The following AFG2A variants were observed in gnomAD, a reference collection of about 807,000 sequenced individuals.
AFG2A encodes the protein ATPase family gene 2 protein homolog A.
chr4:123,228,793 C>T, the AFG2A span, among the ~76,000 whole-genome samples: 3 of 151,958 alleles, frequency 2.0e-5, no homozygotes, highest in East Asian at 5.8e-4. Flanking sequence ...TAACATAAGC[C>T]ATGTCTCCTC....
the AFG2A span, among the ~76,000 whole-genome samples, chr4:123,017,561 G>A: frequency 6.6e-6 from 1 of 151,100 alleles, no homozygotes; most frequent in Admixed American, 6.6e-5. Flanking sequence ...AGAAGCATTT[G>A]GAAATTTATA....
the AFG2A span, among the ~76,000 whole-genome samples, chr4:123,086,777 T>C: frequency 6.6e-6 from 1 of 152,154 alleles, no homozygotes; most frequent in South Asian, 2.1e-4. Flanking sequence ...AGTTTGTATA[T>C]ACATATCCGT....
At chr4:123,195,214 C>G in the AFG2A span, among the ~76,000 whole-genome samples, 13 of 152,252 alleles carry the variant, frequency 8.5e-5, no homozygotes, top group African/African-American at 2.6e-4. Context: ...CCAAATGTTC[C>G]CTTTTCTCGA....
chr4:123,259,094 T>A, the AFG2A span, among the ~76,000 whole-genome samples: 1 of 152,164 alleles, frequency 6.6e-6, no homozygotes, highest in Non-Finnish European at 1.5e-5. Flanking sequence ...CTTGAACTCC[T>A]GACCTCAGGT....
At chr4:122,936,495 A>G in the AFG2A span, among the ~76,000 whole-genome samples, 3 of 152,156 alleles carry the variant, frequency 2.0e-5, no homozygotes, top group African/African-American at 4.8e-5. Flanking sequence ...AGCTCTTTAT[A>G]CTAGAACTTT....
At chr4:123,253,485 CAA>C in the AFG2A span, among the ~76,000 whole-genome samples, 25,775 of 136,330 alleles carry the variant, frequency 0.19, 2,844 homozygotes, top group African/African-American at 0.33. Flanking sequence ...AACTCCACCT[CAA>C]AAAAAAAAAA....
the AFG2A span, among the ~76,000 whole-genome samples, chr4:123,074,716 T>C: frequency 2.1e-4 from 32 of 152,328 alleles, no homozygotes; most frequent in Admixed American, 1.2e-3. Flanking sequence ...TCTTGCCAGA[T>C]TGTATTTTAA....
the AFG2A span, among the ~76,000 whole-genome samples, chr4:123,158,299 TG>T: frequency 6.6e-6 from 1 of 152,190 alleles, no homozygotes; most frequent in Non-Finnish European, 1.5e-5. Context: ...TTTAAAAGTG[TG>T]GGGATCCTCT....
the AFG2A span, among the ~76,000 whole-genome samples, chr4:123,053,303 G>T: frequency 8.8e-3 from 1,342 of 152,348 alleles, 52 homozygotes; most frequent in Admixed American, 0.073. Flanking sequence ...GATGGACCTG[G>T]GGTAGACCCA....
the AFG2A span, among the ~76,000 whole-genome samples, chr4:123,001,447 A>G: frequency 7.3e-5 from 11 of 151,662 alleles, no homozygotes; most frequent in African/African-American, 2.2e-4. Flanking sequence ...ATTTAGTGCT[A>G]TAAATTTCCC....
At chr4:123,119,858 G>A in the AFG2A span, among the ~76,000 whole-genome samples, 1 of 152,118 alleles carries the variant, frequency 6.6e-6, no homozygotes, top group African/African-American at 2.4e-5. Flanking sequence ...GGCTGAGCAG[G>A]CCTAAGGAAA....
At chr4:123,107,057 G>C in the AFG2A span, among the ~76,000 whole-genome samples, 1 of 152,200 alleles carries the variant, frequency 6.6e-6, no homozygotes, top group Admixed American at 6.5e-5. Context: ...GACTGGACGA[G>C]GGGAACACAG....
the AFG2A span, among the ~76,000 whole-genome samples, chr4:123,142,609 T>C: frequency 6.6e-6 from 1 of 152,264 alleles, no homozygotes; most frequent in African/African-American, 2.4e-5. Context: ...ACTTTGGTAA[T>C]CTGTCATAGA....
At chr4:123,105,449 G>A in the AFG2A span, among the ~76,000 whole-genome samples, 83 of 152,268 alleles carry the variant, frequency 5.5e-4, no homozygotes, top group Non-Finnish European at 9.1e-4. Context: ...GCAGCCTATG[G>A]ATGAAGGAGT....
the AFG2A span, among the ~76,000 whole-genome samples, chr4:123,007,536 ATATATGTGTATGTATGTGTGTGTGTGTG>A: frequency 8.9e-5 from 11 of 122,940 alleles, no homozygotes; most frequent in East Asian, 1.6e-3. Flanking sequence ...GCCTATATAT[ATATATGTGTATGTATGTGTGTGTGTGTG>A]TATATGTGTG....
At chr4:122,968,423 T>C in the AFG2A span, among the ~76,000 whole-genome samples, 1 of 152,190 alleles carries the variant, frequency 6.6e-6, no homozygotes, top group Admixed American at 6.5e-5. Context: ...CTGGTACCTC[T>C]CTCAGACCCT....
At chr4:123,217,810 C>T in the AFG2A span, among the ~76,000 whole-genome samples, 1 of 152,036 alleles carries the variant, frequency 6.6e-6, no homozygotes, top group Non-Finnish European at 1.5e-5. Context: ...TTGTTTTTTT[C>T]CTCTCTTTAC....
the AFG2A span, chr4:122,927,595 T>G: frequency 6.3e-7 from 1 of 1,580,664 alleles, no homozygotes; most frequent in Non-Finnish European, 8.6e-7. Context: ...TAACTTCTGT[T>G]ACAAAGTAGT....
At chr4:123,238,720 G>A in the AFG2A span, among the ~76,000 whole-genome samples, 1 of 152,198 alleles carries the variant, frequency 6.6e-6, no homozygotes, top group African/African-American at 2.4e-5. Context: ...AAACCACAAA[G>A]ATGGGGAGAA....
Sources: gnomAD v4.1 joint callset for allele counts (sites outside exome capture counted in the v4.1 genomes callset) on GRCh38, gnomAD v4.1.1 for gene constraint, MANE v1.5 for transcripts, NCBI Gene and HGNC (gene_info 2026-07-23, HGNC 2026-07-21) for gene names.